The following SLC22A3 variants were observed in gnomAD, a reference collection of about 807,000 sequenced individuals.
SLC22A3 encodes solute carrier family 22 member 3.
In SLC22A3, 51 loss-of-function variants were observed where a neutral mutation model predicts 59.1. The ratio of observed to expected loss-of-function variants is 0.86; its 90% CI spans 0.69 to 1.09. The LOEUF (loss-of-function observed/expected upper bound fraction) is 1.09. SLC22A3 is among the 50% of genes least tolerant of loss of function. SLC22A3 has a pLI of 0.00. For synonymous variants in SLC22A3, 325 were observed against 292.0 expected, an observed-to-expected ratio of 1.11 and a Z score of -1.15; for missense variants, 711 against 726.3, an observed-to-expected ratio of 0.98 and a Z score of 0.24.
chr6:160,407,259 G>A (rs1443714955), intron 3 of SLC22A3, 64 bp downstream of exon 3: 3 of 1,499,346 alleles, frequency 2.0e-6, no homozygotes, highest in Admixed American at 2.1e-5. Flanking sequence ...ACAAATGCTA[G>A]TTAATCAACC....
chr6:160,437,368 C>T (rs1483730510), intron 7 of SLC22A3, among the ~76,000 whole-genome samples, 157 bp downstream of exon 7: 1 of 152,150 alleles, frequency 6.6e-6, no homozygotes, highest in African/African-American at 2.4e-5. Context: ...ATAAAAACTT[C>T]GAAGTAAGAG....
At chr6:160,447,903 C>A in intron 10 of SLC22A3, 85 bp downstream of exon 10, 1 of 1,024,288 alleles carries the variant, frequency 9.8e-7, no homozygotes, top group Non-Finnish European at 1.5e-6. Flanking sequence ...AATTGAATAT[C>A]CACAGGGAAA....
intron 2 of SLC22A3, among the ~76,000 whole-genome samples, chr6:160,398,544 CTG>C (rs1350457387): frequency 6.6e-6 from 1 of 151,876 alleles, no homozygotes; most frequent in Non-Finnish European, 1.5e-5. Context: ...ATGTAAAACT[CTG>C]TGAAAAAAAT....
chr6:160,429,992 A>T (rs1331413915), intron 5 of SLC22A3, among the ~76,000 whole-genome samples: 1 of 152,064 alleles, frequency 6.6e-6, no homozygotes, highest in Non-Finnish European at 1.5e-5. Context: ...GTAACTCTCA[A>T]ATGTTATAAA....
intron 1 of SLC22A3, among the ~76,000 whole-genome samples, chr6:160,354,206 C>G (rs1024928900): frequency 2.0e-5 from 3 of 152,180 alleles, no homozygotes; most frequent in Non-Finnish European, 4.4e-5. Context: ...ATACACATGT[C>G]CTTTGGTGTC....
intron 1 of SLC22A3, among the ~76,000 whole-genome samples, chr6:160,397,738 A>G (rs1279475920): frequency 6.6e-6 from 1 of 152,020 alleles, no homozygotes; most frequent in African/African-American, 2.4e-5. Flanking sequence ...ATCTCAAAAA[A>G]AAAAAAAAAA....
intron 5 of SLC22A3, among the ~76,000 whole-genome samples, chr6:160,413,386 T>C (rs956122361): frequency 3.9e-5 from 6 of 152,228 alleles, no homozygotes; most frequent in African/African-American, 1.4e-4. Context: ...AATATGGAAA[T>C]TTCCAAACAT....
At chr6:160,408,946 T>C in intron 4 of SLC22A3, 25 bp downstream of exon 4, 1 of 1,602,922 alleles carries the variant, frequency 6.2e-7, no homozygotes, top group South Asian at 1.1e-5. Context: ...GTTATCATCA[T>C]ATTTATACTG....
chr6:160,348,431 C>T lies in SLC22A3; in HGVS notation c.12C>T (p.Phe4=), dbSNP rs1022132512. MPS[F]DEALQRVGEF... is the part of the protein sequence containing the mutation. Reference sequence around the variant, plus strand: ...GCGGCGGGCGCACCATGCCCTCCTTCGACGAGGCGCTGCAGCGGGTGGGCG... The same window carrying T: ...GCGGCGGGCGCACCATGCCCTCCTTTGACGAGGCGCTGCAGCGGGTGGGCG... Residue 4 remains phenylalanine (F), a synonymous_variant, in exon 1 of 11, where the codon TTC becomes TTT. Transcript: ENST00000275300. The T allele has an allele frequency of 6.6e-6, 10 of 1,506,128 alleles. No homozygotes were observed. Among genetic ancestry groups the T allele is most frequent in the Admixed American group, 4.0e-5 (2 of 49,418 alleles). 93.3% of individuals were successfully genotyped at this position (1,506,128 alleles called of 1,614,324 possible). A position where few individuals can be genotyped will look rare whatever the true frequency, so the allele number is the denominator to read the frequency against.
chr6:160,400,293 T>A (rs1786714867), intron 2 of SLC22A3, among the ~76,000 whole-genome samples: 1 of 152,006 alleles, frequency 6.6e-6, no homozygotes, highest in Non-Finnish European at 1.5e-5. Flanking sequence ...AGAGCCTCAT[T>A]GATCTGGGGG....
At chr6:160,449,660 A>T (rs1788875954) in intron 10 of SLC22A3, among the ~76,000 whole-genome samples, 1 of 152,230 alleles carries the variant, frequency 6.6e-6, no homozygotes, top group African/African-American at 2.4e-5. Context: ...GTTCATAAAG[A>T]ACTTAAATGC....
At chr6:160,416,031 G>C (rs975070079) in intron 5 of SLC22A3, among the ~76,000 whole-genome samples, 1 of 152,150 alleles carries the variant, frequency 6.6e-6, no homozygotes, top group African/African-American at 2.4e-5. Flanking sequence ...TTTGAGGGTT[G>C]TTTATCCTGT....
At chr6:160,446,636 G>C (rs745789550) in intron 9 of SLC22A3, among the ~76,000 whole-genome samples, 1 of 152,090 alleles carries the variant, frequency 6.6e-6, no homozygotes, top group Non-Finnish European at 1.5e-5. Flanking sequence ...AACATGTGGG[G>C]ATTACAATTC....
chr6:160,398,222 C>T (rs1786596239), intron 2 of SLC22A3, 140 bp downstream of exon 2: 4 of 660,430 alleles, frequency 6.1e-6, no homozygotes, highest in Non-Finnish European at 1.1e-5. Context: ...TTCATGACAT[C>T]CACACTTGGT....
intron 1 of SLC22A3, among the ~76,000 whole-genome samples, chr6:160,392,868 A>G (rs1454194392): frequency 6.6e-6 from 1 of 152,056 alleles, no homozygotes; most frequent in African/African-American, 2.4e-5. Flanking sequence ...CCAGGAGCAC[A>G]CCACACCTGA....
At chr6:160,385,656 C>T (rs1785976851) in intron 1 of SLC22A3, among the ~76,000 whole-genome samples, 1 of 152,242 alleles carries the variant, frequency 6.6e-6, no homozygotes, top group Non-Finnish European at 1.5e-5. Context: ...CCAGAATCCT[C>T]CCTGCAGCCT....
At chr6:160,427,247 T>C (rs1787997585) in intron 5 of SLC22A3, among the ~76,000 whole-genome samples, 1 of 152,148 alleles carries the variant, frequency 6.6e-6, no homozygotes, top group South Asian at 2.1e-4. Context: ...GAAGGCTCCA[T>C]TTTCCTGAGA....
At chr6:160,414,785 C>T (rs1787401741) in intron 5 of SLC22A3, among the ~76,000 whole-genome samples, 1 of 152,224 alleles carries the variant, frequency 6.6e-6, no homozygotes, top group African/African-American at 2.4e-5. Context: ...AATTACCTCT[C>T]ACTGGGTTCC....
chr6:160,358,766 C>G (rs1346320746), intron 1 of SLC22A3, among the ~76,000 whole-genome samples: 1 of 152,228 alleles, frequency 6.6e-6, no homozygotes, highest in East Asian at 1.9e-4. Context: ...CCCAAGTCCT[C>G]CCCTTGCCTG....
Sources: gnomAD v4.1 joint callset for allele counts (sites outside exome capture counted in the v4.1 genomes callset) on GRCh38, gnomAD v4.1.1 for gene constraint, MANE v1.5 for transcripts, NCBI Gene and HGNC (gene_info 2026-07-23, HGNC 2026-07-21) for gene names.